CDH18: variants seen among roughly 807,000 people sequenced by gnomAD.
CDH18 encodes the protein cadherin-18.
CDH18 carries 31 observed loss-of-function variants against 67.9 expected under a neutral mutation model. The observed-to-expected ratio is 0.46, with a 90% CI of 0.34 to 0.62. The LOEUF is 0.62. Ranked by LOEUF, CDH18 falls within the 20% of genes least tolerant of loss-of-function variation. CDH18 has a pLI of 0.01. For synonymous variants in CDH18, 362 were observed against 347.2 expected (o/e 1.04, Z -0.48); for missense variants, 890 against 975.5 (o/e 0.91, Z 1.17).
chr5:20,170,050 T>C (rs1736573656), intron 2 of CDH18, among the ~76,000 whole-genome samples: 1 of 152,100 alleles, frequency 6.6e-6, no homozygotes, highest in Admixed American at 6.6e-5. Context: ...TTCTGGGATA[T>C]ATGTGCAGAA....
At chr5:19,928,596 C>A (rs1253101936) in intron 2 of CDH18, among the ~76,000 whole-genome samples, 1 of 152,050 alleles carries the variant, frequency 6.6e-6, no homozygotes, top group Non-Finnish European at 1.5e-5. Context: ...ACAGGATACA[C>A]AATACTCCTG....
At chr5:20,315,450 G>A (rs921717746) in intron 1 of CDH18, among the ~76,000 whole-genome samples, 1 of 152,030 alleles carries the variant, frequency 6.6e-6, no homozygotes, top group Non-Finnish European at 1.5e-5. Flanking sequence ...TTTGTGCTTA[G>A]TATTCTAATT....
chr5:19,841,251 C>T (rs1011706788), intron 2 of CDH18, among the ~76,000 whole-genome samples: 2 of 151,984 alleles, frequency 1.3e-5, no homozygotes, highest in Non-Finnish European at 2.9e-5. Context: ...CAAAGGTATC[C>T]TTCCCTCTGA....
intron 1 of CDH18, among the ~76,000 whole-genome samples, chr5:20,297,325 A>T (rs1260059808): frequency 6.6e-6 from 1 of 152,246 alleles, no homozygotes; most frequent in Admixed American, 6.5e-5. Flanking sequence ...GGAAATTGAC[A>T]CATTGAGGCC....
intron 2 of CDH18, among the ~76,000 whole-genome samples, chr5:20,212,366 T>C (rs1740421173): frequency 6.6e-6 from 1 of 152,134 alleles, no homozygotes. Context: ...CAGGATGTTA[T>C]CCAGGAGAAC....
chr5:20,144,875 T>C (rs903879689), intron 2 of CDH18, among the ~76,000 whole-genome samples: 20 of 152,112 alleles, frequency 1.3e-4, no homozygotes, highest in Admixed American at 2.6e-4. Flanking sequence ...GACATACACA[T>C]AGTGAGAGCA....
At chr5:20,175,993 G>A (rs1228212074) in intron 2 of CDH18, among the ~76,000 whole-genome samples, 2 of 152,166 alleles carry the variant, frequency 1.3e-5, no homozygotes, top group Non-Finnish European at 2.9e-5. Flanking sequence ...GTGAATGTGA[G>A]TAGAAGTTAT....
At chr5:20,193,831 T>C (rs1014817602) in intron 2 of CDH18, among the ~76,000 whole-genome samples, 2 of 152,000 alleles carry the variant, frequency 1.3e-5, no homozygotes, top group African/African-American at 4.8e-5. Flanking sequence ...ATCACATAAA[T>C]AGAACCAAGT....
At chr5:20,355,414 CATAGCCT>C (rs769166340) in intron 1 of CDH18, among the ~76,000 whole-genome samples, 51 of 152,220 alleles carry the variant, frequency 3.4e-4, no homozygotes, top group Non-Finnish European at 6.2e-4. Context: ...ATGAATTAAA[CATAGCCT>C]ATAGCTAAGT....
rs185644070 is a variant in CDH18, at chr5:19,705,749, G to A, written c.643+15598C>T. Among the ~76,000 whole-genome samples the A allele has an allele frequency of 1.3e-3, 193 of 152,110 alleles. 1 individual carries two copies. Among genetic ancestry groups the A allele is most frequent in the African/African-American group, 4.5e-3 (187 of 41,518 alleles). On this transcript the variant is annotated intron_variant, in intron 5 of 12. Coordinates refer to ENST00000382275, the MANE Select transcript of CDH18 (RefSeq NM_004934.5). ...GAGAACTCGGATTGTTAAATTACAT[G>A]GATATGATCCTGGAAAAATTATTGT...
At chr5:19,954,484 C>T (rs1796071674) in intron 2 of CDH18, among the ~76,000 whole-genome samples, 1 of 151,884 alleles carries the variant, frequency 6.6e-6, no homozygotes, top group Non-Finnish European at 1.5e-5. Flanking sequence ...CCAAATTAGA[C>T]TGATGTATTT....
intron 5 of CDH18, among the ~76,000 whole-genome samples, chr5:19,672,104 A>T (rs1299024456): frequency 6.6e-6 from 1 of 152,136 alleles, no homozygotes; most frequent in African/African-American, 2.4e-5. Context: ...CAGTGATTGG[A>T]GCTGTGTTCA....
intron 1 of CDH18, among the ~76,000 whole-genome samples, chr5:20,374,468 A>G (rs540612413): frequency 6.6e-6 from 1 of 152,286 alleles, no homozygotes; most frequent in Admixed American, 6.5e-5. Flanking sequence ...CAGATTTGAG[A>G]CATCTTGGGG....
At chr5:19,899,123 G>T (rs995908641) in intron 2 of CDH18, among the ~76,000 whole-genome samples, 4 of 152,166 alleles carry the variant, frequency 2.6e-5, no homozygotes, top group Non-Finnish European at 4.4e-5. Context: ...TCTCAGGCCA[G>T]GCACGGTGGC....
intron 3 of CDH18, among the ~76,000 whole-genome samples, chr5:19,756,709 G>A (rs1771652810): frequency 6.6e-6 from 1 of 152,172 alleles, no homozygotes; most frequent in Non-Finnish European, 1.5e-5. Context: ...TTAACTTATA[G>A]TTCAATGGAA....
At chr5:20,126,468 C>T (rs1296052471) in intron 2 of CDH18, among the ~76,000 whole-genome samples, 3 of 152,146 alleles carry the variant, frequency 2.0e-5, no homozygotes, top group African/African-American at 7.2e-5. Context: ...GGTGGGATAA[C>T]ATCAAACTGA....
chr5:19,909,842 G>A (rs1790933738), intron 2 of CDH18, among the ~76,000 whole-genome samples: 1 of 152,168 alleles, frequency 6.6e-6, no homozygotes, highest in Admixed American at 6.5e-5. Context: ...AATAAAATCA[G>A]TATGGTGTGA....
At chr5:19,541,318 C>A (rs1471691042) in intron 9 of CDH18, among the ~76,000 whole-genome samples, 2 of 150,892 alleles carry the variant, frequency 1.3e-5, no homozygotes, top group Admixed American at 6.6e-5. Flanking sequence ...TCCGAGCACT[C>A]CAAGTCTCCA....
At chr5:19,601,664 C>T (rs1317451904) in intron 6 of CDH18, among the ~76,000 whole-genome samples, 1 of 151,878 alleles carries the variant, frequency 6.6e-6, no homozygotes, top group Admixed American at 6.6e-5. Flanking sequence ...AAATTAAAAA[C>T]CAATATTCCT....
Sources: allele counts gnomAD v4.1 joint callset (sites outside exome capture counted in the v4.1 genomes callset), GRCh38; gene constraint gnomAD v4.1.1; transcripts MANE v1.5; gene names NCBI Gene and HGNC (gene_info 2026-07-23, HGNC 2026-07-21).